Variants in STAT3 observed in about 807,000 individuals in gnomAD.
STAT3 encodes the protein DNA-binding protein APRF.
A neutral mutation model predicts 114.3 loss-of-function variants in STAT3; 7 were observed. The ratio of observed to expected loss-of-function variants is 0.06; its 90% confidence interval spans 0.03 to 0.11. The LOEUF is 0.11. Among genes scored for constraint, STAT3 ranks in the 10% least tolerant of loss-of-function variants. The pLI, the probability that STAT3 is intolerant of heterozygous loss-of-function variation, is 1.00. For synonymous variants in STAT3, 331 were observed against 354.5 expected, an observed-to-expected ratio of 0.93 and a Z score of 0.74; for missense variants, 364 against 960.9, an observed-to-expected ratio of 0.38 and a Z score of 8.21.
chr17:42,364,176 G>A (rs563083578), intron 1 of STAT3, among the ~76,000 whole-genome samples: 2 of 152,228 alleles, frequency 1.3e-5, no homozygotes, highest in African/African-American at 2.4e-5. Flanking sequence ...TGATGGCCAC[G>A]ATACTGAAAA....
At position 42,326,054 on chromosome 17, in the gene STAT3, G is replaced by A. The variant is rs940712676; in HGVS notation, c.1365+62C>T. On this transcript the variant is annotated intron_variant, in intron 15 of 23. Transcript: ENST00000264657. The stretch of plus-strand genomic sequence containing the variant: ...ACCTTCTCTTGTAAAAATCCCAGTG[G>A]AAGTTTTTGTCCTGAGTCACCCCTG... The A allele has an allele frequency of 4.2e-6, 6 of 1,412,980 alleles. No individual in the cohort carries two copies. The African/African-American group carries it at 7.1e-5, about 17-fold the overall frequency. The allele number at this position is 1,412,980 out of a possible 1,614,324, so 87.5% of individuals were successfully genotyped here. A position where few individuals can be genotyped will look rare whatever the true frequency, so the allele number is the denominator to read the frequency against.
chr17:42,351,997 T>A (rs899329464), intron 1 of STAT3, among the ~76,000 whole-genome samples: 1 of 151,876 alleles, frequency 6.6e-6, no homozygotes, highest in East Asian at 1.9e-4. Context: ...CTCTTATCAG[T>A]TCAAGACCAG....
chr17:42,378,492 A>C (rs1468668239), intron 1 of STAT3, among the ~76,000 whole-genome samples: 2 of 151,500 alleles, frequency 1.3e-5, no homozygotes, highest in African/African-American at 4.9e-5. Context: ...AGCAATCCAC[A>C]TGCCTTGGTC....
At chr17:42,363,669 C>G (rs1448996155) in intron 1 of STAT3, among the ~76,000 whole-genome samples, 1 of 146,862 alleles carries the variant, frequency 6.8e-6, no homozygotes, top group Non-Finnish European at 1.5e-5. Flanking sequence ...CCAGGATGGT[C>G]TCGAACTCCT....
intron 21 of STAT3, among the ~76,000 whole-genome samples, chr17:42,320,764 T>C (rs984979379): frequency 7.4e-5 from 11 of 149,240 alleles, no homozygotes; most frequent in Non-Finnish European, 1.5e-4. Flanking sequence ...TCATTGGCTT[T>C]ATGATTACAG....
At position 42,313,616 on chromosome 17, in the gene STAT3, A is replaced by G. The variant is rs1477895055; in HGVS notation, c.*2129T>C. 3 of 231,058 alleles carry G rather than the reference A, an allele frequency of 1.3e-5. No homozygotes were observed. In the East Asian group the frequency reaches 1.8e-4, roughly 14 times the overall value. 14.3% of individuals were successfully genotyped at this position (231,058 alleles called of 1,614,324 possible). A position where few individuals can be genotyped will look rare whatever the true frequency, so the allele number is the denominator to read the frequency against. On this transcript the variant is annotated 3_prime_UTR_variant, in exon 24 of 24. Coordinates refer to ENST00000264657, the MANE Select transcript of STAT3 (RefSeq NM_139276.3). ...TCTTTAATGGGCCACAACAGGGCTC[A>G]GCTCCTCTCAGAACTTTTGCTACAA... is the stretch of plus-strand genomic sequence containing the variant.
In STAT3 at chr17:42,322,193, T is replaced by C. The variant is rs549753396; in HGVS notation, c.2101+89A>G. 2.5e-6 allele frequency: 3 copies of C among 1,218,030 alleles called. No homozygotes were observed. In the East Asian group the frequency reaches 7.1e-5, roughly 29 times the overall value. The allele number at this position is 1,218,030 out of a possible 1,614,324, so 75.5% of individuals were successfully genotyped here. A position where few individuals can be genotyped will look rare whatever the true frequency, so the allele number is the denominator to read the frequency against. On this transcript the variant is annotated intron_variant, in intron 21 of 23. Transcript: ENST00000264657. ...GAGAAATAATTATCCCCCAGGTTAT[T>C]CAGGCATTTGCCTATCTATCCTCCA... is the stretch of plus-strand genomic sequence containing the variant.
chr17:42,320,005 C>T (rs958747378), intron 21 of STAT3, among the ~76,000 whole-genome samples: 1 of 152,102 alleles, frequency 6.6e-6, no homozygotes, highest in African/African-American at 2.4e-5. Context: ...ACAGGAAGGG[C>T]GATGGTAATG....
chr17:42,326,537 G>A (rs2081733722), intron 14 of STAT3, among the ~76,000 whole-genome samples: 2 of 151,290 alleles, frequency 1.3e-5, no homozygotes, highest in African/African-American at 2.4e-5. Flanking sequence ...TAAAAAAAAA[G>A]GCTGAGCGTG....
At chr17:42,359,612 A>T (rs2083408260) in intron 1 of STAT3, among the ~76,000 whole-genome samples, 2 of 152,230 alleles carry the variant, frequency 1.3e-5, no homozygotes, top group South Asian at 4.1e-4. Flanking sequence ...ATAAGTAATG[A>T]TTATAGCTAT....
At chr17:42,343,811 C>T (rs1408942667) in intron 4 of STAT3, among the ~76,000 whole-genome samples, 1 of 152,162 alleles carries the variant, frequency 6.6e-6, no homozygotes, top group Non-Finnish European at 1.5e-5. Flanking sequence ...ATTAGGGGAA[C>T]TGCAGATTCT....
At chr17:42,360,443 G>C (rs981833063) in intron 1 of STAT3, among the ~76,000 whole-genome samples, 22 of 151,780 alleles carry the variant, frequency 1.4e-4, no homozygotes, top group Non-Finnish European at 2.4e-4. Flanking sequence ...TCGGGAGTTC[G>C]AGACCAGCCT....
intron 4 of STAT3, chr17:42,345,299 G>T: frequency 1.4e-5 from 6 of 427,624 alleles, no homozygotes; most frequent in Non-Finnish European, 2.5e-5. Context: ...AAGAAAATTT[G>T]TCAGAACAAA....
intron 1 of STAT3, among the ~76,000 whole-genome samples, chr17:42,354,246 T>C (rs1189184103): frequency 1.4e-5 from 2 of 145,318 alleles, no homozygotes; most frequent in African/African-American, 5.1e-5. Context: ...CTTGGCTCAC[T>C]GCAGCCTCCA....
chr17:42,362,619 C>T lies in STAT3; in HGVS notation c.-23-14080G>A, dbSNP rs115943150. On this transcript the variant is annotated intron_variant, in intron 1 of 23. Coordinates refer to ENST00000264657, the MANE Select transcript of STAT3 (RefSeq NM_139276.3). ...CGATCACTTAGCGTGTAGCTGGTGCCAGTTATTTATCCTCTTTGTGCCTTA... is the reference window on the plus strand; with the variant it reads ...CGATCACTTAGCGTGTAGCTGGTGCTAGTTATTTATCCTCTTTGTGCCTTA... 6.5e-3 allele frequency among the ~76,000 whole-genome samples: 997 copies of T among 152,332 alleles called. 15 individuals carry two copies. Among genetic ancestry groups the T allele is most frequent in the African/African-American group, 0.023 (944 of 41,574 alleles).
chr17:42,382,648 T>C (rs903782396), intron 1 of STAT3, among the ~76,000 whole-genome samples: 2 of 150,342 alleles, frequency 1.3e-5, no homozygotes, highest in South Asian at 4.2e-4. Flanking sequence ...TAATCCTTTT[T>C]TTTTTCTTTT....
Position 42,313,775 on chromosome 17 carries a change from T to C in STAT3, c.*1970A>G, listed in dbSNP as rs1475716153. ...TAAGCCCAAGTCTCACCTTTCTAAA[T>C]ATTCTGTTTATCAGTTAAGCTTATT... On this transcript the variant is annotated 3_prime_UTR_variant, in exon 24 of 24. Transcript: ENST00000264657. The C allele has an allele frequency of 4.3e-5, 10 of 232,980 alleles. No homozygotes were observed. The highest frequency in any genetic ancestry group is 1.2e-3 in the Middle Eastern group (1 of 802). The allele number at this position is 232,980 out of a possible 1,614,324, so 14.4% of individuals were successfully genotyped here.
At position 42,330,232 on chromosome 17, in the gene STAT3, T is replaced by A. The variant is rs571711657; in HGVS notation, c.1110-456A>T. Among the ~76,000 whole-genome samples, 15 of 151,662 alleles carry A rather than the reference T, an allele frequency of 9.9e-5. 1 individual carries two copies. The East Asian group carries it at 2.9e-3, about 30-fold the overall frequency. ...CCTGAGTTCAAGTGATTCTCCTGCCTCAGCCTCCCGTGTAGCTGGGATTAC... is the reference window on the plus strand; with the variant it reads ...CCTGAGTTCAAGTGATTCTCCTGCCACAGCCTCCCGTGTAGCTGGGATTAC... On this transcript the variant is annotated intron_variant, in intron 11 of 23. Coordinates refer to ENST00000264657, the MANE Select transcript of STAT3 (RefSeq NM_139276.3).
At chr17:42,361,594 C>T in intron 1 of STAT3, among the ~76,000 whole-genome samples, 1 of 152,004 alleles carries the variant, frequency 6.6e-6, no homozygotes, top group Middle Eastern at 3.2e-3. Flanking sequence ...GAGCAGAGAT[C>T]AGGGCTCAAC....
Sources: allele counts gnomAD v4.1 joint callset (sites outside exome capture counted in the v4.1 genomes callset), GRCh38; gene constraint gnomAD v4.1.1; transcripts MANE v1.5; gene names NCBI Gene and HGNC (gene_info 2026-07-23, HGNC 2026-07-21).